PHIP: variants seen among roughly 807,000 people sequenced by gnomAD.
PHIP encodes PH-interacting protein.
A neutral mutation model predicts 236.8 loss-of-function variants in PHIP; 54 were observed. That is an observed-to-expected ratio of 0.23 (90% CI 0.18 to 0.29). PHIP has a LOEUF of 0.29. Ranked by LOEUF, PHIP falls within the 10% of genes least tolerant of loss-of-function variation. PHIP has a pLI of 1.00. For missense variants in PHIP, 1,370 were observed against 2,190.8 expected (o/e 0.63, Z 7.48); for synonymous variants, 756 against 718.9 (o/e 1.05, Z -0.83).
intron 19 of PHIP, among the ~76,000 whole-genome samples, chr6:78,992,991 T>C (rs367810428): frequency 3.3e-5 from 5 of 152,316 alleles, no homozygotes; most frequent in African/African-American, 9.6e-5. Context: ...GGAAAAGCTC[T>C]TGAAGGAAGT....
At chr6:79,040,743 T>C (rs887090494) in intron 7 of PHIP, among the ~76,000 whole-genome samples, 2 of 152,068 alleles carry the variant, frequency 1.3e-5, no homozygotes, top group African/African-American at 4.8e-5. Context: ...CAAGAATTTT[T>C]CAAAAAAATA....
intron 4 of PHIP, among the ~76,000 whole-genome samples, chr6:79,066,376 A>G (rs934937144): frequency 1.1e-4 from 17 of 152,214 alleles, no homozygotes; most frequent in African/African-American, 3.9e-4. Flanking sequence ...TTCCCATTCT[A>G]TAAAAAAATT....
intron 4 of PHIP, among the ~76,000 whole-genome samples, chr6:79,066,539 A>C (rs1773630681): frequency 6.6e-6 from 1 of 152,198 alleles, no homozygotes; most frequent in Non-Finnish European, 1.5e-5. Context: ...TCAATGTGCA[A>C]GATATAAGCA....
chr6:78,999,802 T>G (rs1769869386), intron 17 of PHIP, among the ~76,000 whole-genome samples: 1 of 152,036 alleles, frequency 6.6e-6, no homozygotes, highest in Non-Finnish European at 1.5e-5. Flanking sequence ...ATTTCATTTA[T>G]AAAAGAAAAC....
At chr6:78,950,440 T>C (rs1297215050) in intron 35 of PHIP, among the ~76,000 whole-genome samples, 5 of 152,158 alleles carry the variant, frequency 3.3e-5, no homozygotes, top group East Asian at 1.9e-4. Context: ...CTTTAAATGT[T>C]TGGTTGAATT....
intron 6 of PHIP, among the ~76,000 whole-genome samples, chr6:79,045,189 C>T (rs1772417231): frequency 6.6e-6 from 1 of 152,092 alleles, no homozygotes; most frequent in African/African-American, 2.4e-5. Context: ...GTGTTAACAG[C>T]ACTAAAAAAT....
intron 6 of PHIP, among the ~76,000 whole-genome samples, chr6:79,048,409 T>A (rs1297370684): frequency 6.6e-6 from 1 of 152,028 alleles, no homozygotes; most frequent in African/African-American, 2.4e-5. Flanking sequence ...TGTAATAACC[T>A]TAGTAAATAC....
intron 4 of PHIP, among the ~76,000 whole-genome samples, chr6:79,075,475 A>G (rs1774104028): frequency 6.6e-6 from 1 of 152,100 alleles, no homozygotes; most frequent in South Asian, 2.1e-4. Context: ...AAAATAGGTG[A>G]ATTTTGAGCA....
intron 17 of PHIP, among the ~76,000 whole-genome samples, chr6:78,999,829 A>G (rs1769872142): frequency 6.6e-6 from 1 of 152,062 alleles, no homozygotes; most frequent in Admixed American, 6.6e-5. Flanking sequence ...TCAATAGGAT[A>G]AAATAACTTG....
At chr6:78,961,646 T>C (rs747934310) in intron 31 of PHIP, 44 bp downstream of exon 31, 1 of 1,597,348 alleles carries the variant, frequency 6.3e-7, no homozygotes, top group South Asian at 1.1e-5. Context: ...GGTGGAAAGA[T>C]CACCAGCTTT....
intron 15 of PHIP, among the ~76,000 whole-genome samples, chr6:79,009,906 C>G (rs79209669): frequency 0.46 from 68,390 of 150,122 alleles, 15,979 homozygotes; most frequent in East Asian, 0.69. Flanking sequence ...AATCTTAAAA[C>G]CTGAAAGTGA....
In PHIP at chr6:78,945,426, G is replaced by T; in HGVS notation, c.4702C>A (p.His1568Asn). 1.9e-6 allele frequency: 3 copies of T among 1,610,990 alleles called. No homozygotes were observed. Among genetic ancestry groups the T allele is most frequent in the Non-Finnish European group, 2.5e-6 (3 of 1,177,238 alleles). Residue 1568 changes from histidine (H) to asparagine (N), a missense_variant, in exon 39 of 40, where the codon CAT (histidine) becomes AAT (asparagine). By Grantham distance (68) the His-to-Asn change is moderately conservative (BLOSUM62 1). This residue lies in a region of PHIP where 309 missense variants were observed against 328.3 expected (regional missense o/e 0.94). Transcript: ENST00000275034. ...LSSPGQSSFS[H>N]GTRNNSAKEN... Reference sequence around the variant, plus strand: ...TTTGCAGAATTATTCCTAGTGCCATGACTAAAACTGGATTGACCAGGACTG... The same window carrying T: ...TTTGCAGAATTATTCCTAGTGCCATTACTAAAACTGGATTGACCAGGACTG...
rs778842567 is a variant in PHIP at position 79,017,392 on chromosome 6, TATAAACAA to T, written c.1096-14_1096-7del. ...TGGATACTGTCAACTTTGTCCTATA[TATAAACAA>T]ATAAACAAAAAAGTGGGTGCTGAAT... On this transcript the variant is annotated splice_region_variant and splice_polypyrimidine_tract_variant and intron_variant, in intron 11 of 39. Coordinates refer to ENST00000275034, the MANE Select transcript of PHIP (RefSeq NM_017934.7). 3 of 1,585,756 alleles carry T rather than the reference TATAAACAA, an allele frequency of 1.9e-6. No individual in the cohort carries two copies. Among genetic ancestry groups the T allele is most frequent in the Non-Finnish European group, 2.6e-6 (3 of 1,161,064 alleles).
Position 78,970,761 on chromosome 6 carries a change from A to G in PHIP, c.2997+20T>C. 9.6e-6 allele frequency: 14 copies of G among 1,456,252 alleles called. No individual in the cohort carries two copies. Among genetic ancestry groups the G allele is most frequent in the Non-Finnish European group, 1.3e-5 (14 of 1,054,012 alleles). 90.2% of individuals were successfully genotyped at this position (1,456,252 alleles called of 1,614,324 possible). ...ATAATTGTATTTTTGGGGCTATTAA[A>G]TAATAAATCAATGTCATACCCGTAG... On this transcript the variant is annotated intron_variant, in intron 25 of 39. Coordinates refer to ENST00000275034, the MANE Select transcript of PHIP (RefSeq NM_017934.7).
At chr6:78,957,336 G>A (rs951074686) in intron 32 of PHIP, 1 of 151,832 alleles carries the variant, frequency 6.6e-6, no homozygotes, top group African/African-American at 2.4e-5. Context: ...GTCTTCAGAG[G>A]ATAATGCTTA....
chr6:78,969,054 T>G (rs539678735), intron 27 of PHIP, among the ~76,000 whole-genome samples: 1 of 152,348 alleles, frequency 6.6e-6, no homozygotes, highest in South Asian at 2.1e-4. Flanking sequence ...ACTCCCTTAT[T>G]TGATGAAACA....
intron 19 of PHIP, among the ~76,000 whole-genome samples, chr6:78,994,128 G>A (rs181819163): frequency 3.3e-5 from 5 of 152,220 alleles, no homozygotes; most frequent in African/African-American, 7.2e-5. Context: ...AATTAGAAGC[G>A]GCAACTAAAG....
In PHIP at chr6:79,017,292, A is replaced by T. The variant is rs930896254; in HGVS notation, c.1136+54T>A. ...CTTCAAATAAAATCTGATGACTAAA[A>T]TTGTCTTTATTTCATAATTTTAAAA... On this transcript the variant is annotated intron_variant, in intron 12 of 39. Transcript: ENST00000275034. The T allele has an allele frequency of 2.6e-5, 28 of 1,067,536 alleles. No homozygotes were observed. In the Admixed American group the frequency reaches 5.0e-4, roughly 19 times the overall value. The allele number at this position is 1,067,536 out of a possible 1,614,324, so 66.1% of individuals were successfully genotyped here. A position where few individuals can be genotyped will look rare whatever the true frequency, so the allele number is the denominator to read the frequency against.
At chr6:79,023,459 A>G (rs117235294) in intron 9 of PHIP, among the ~76,000 whole-genome samples, 5,601 of 152,198 alleles carry the variant, frequency 0.037, 102 homozygotes, top group Middle Eastern at 0.058. Context: ...CAAGAATAGG[A>G]AAGAATATAG....
Sources: gnomAD v4.1 joint callset for allele counts (sites outside exome capture counted in the v4.1 genomes callset) on GRCh38, gnomAD v4.1.1 for gene constraint, gnomAD v4.1.1 regional missense constraint, MANE v1.5 for transcripts, NCBI Gene and HGNC (gene_info 2026-07-23, HGNC 2026-07-21) for gene names.